The following RASGRF2 variants were observed in gnomAD, a reference collection of about 807,000 sequenced individuals.
The protein encoded by RASGRF2 is Ras protein specific guanine nucleotide releasing factor 2, also known as ras-specific guanine nucleotide-releasing factor 2.
Under a neutral mutation model 151.0 loss-of-function variants are expected in RASGRF2, and 76 were observed. The observed-to-expected ratio is 0.50, with a 90% CI of 0.42 to 0.61. The LOEUF (loss-of-function observed/expected upper bound fraction) is 0.61. Ranked by LOEUF, RASGRF2 falls within the 20% of genes least tolerant of loss-of-function variation. The pLI is 0.00. For missense variants in RASGRF2, 1,148 were observed against 1,564.6 expected, an observed-to-expected ratio of 0.73 and a Z score of 4.49; for synonymous variants, 504 against 566.5, an observed-to-expected ratio of 0.89 and a Z score of 1.57.
chr5:81,158,907 G>A (rs761428400), intron 17 of RASGRF2, among the ~76,000 whole-genome samples: 40 of 152,108 alleles, frequency 2.6e-4, no homozygotes, highest in Non-Finnish European at 3.5e-4. Context: ...TAAGCTTACC[G>A]TAGAATCTAG....
At chr5:80,962,992 G>A (rs1373095241) in intron 1 of RASGRF2, among the ~76,000 whole-genome samples, 4 of 152,186 alleles carry the variant, frequency 2.6e-5, no homozygotes, top group Non-Finnish European at 4.4e-5. Context: ...TAGGAGTTGG[G>A]CTGGGAAACC....
At chr5:80,973,204 C>T (rs1747996619) in intron 1 of RASGRF2, among the ~76,000 whole-genome samples, 1 of 152,174 alleles carries the variant, frequency 6.6e-6, no homozygotes. Flanking sequence ...TTAAATCAAG[C>T]AGACAGATCA....
intron 1 of RASGRF2, among the ~76,000 whole-genome samples, chr5:80,985,976 G>C (rs1748461893): frequency 6.6e-6 from 1 of 151,826 alleles, no homozygotes. Context: ...TTGTTTCCAT[G>C]GTGAAATTCA....
At chr5:80,985,137 G>C (rs1748435149) in intron 1 of RASGRF2, among the ~76,000 whole-genome samples, 2 of 152,158 alleles carry the variant, frequency 1.3e-5, no homozygotes, top group Admixed American at 1.3e-4. Flanking sequence ...ACTTGAGCCT[G>C]GGATGCGGAG....
At chr5:81,215,853 T>C in intron 23 of RASGRF2, 23 bp from the exon 24 acceptor site, 1 of 1,506,690 alleles carries the variant, frequency 6.6e-7, no homozygotes, top group East Asian at 2.5e-5. Context: ...TTCATCACAC[T>C]AAGTTTTTTC....
At chr5:81,035,121 C>G (rs1482931748) in intron 1 of RASGRF2, among the ~76,000 whole-genome samples, 1 of 152,024 alleles carries the variant, frequency 6.6e-6, no homozygotes, top group African/African-American at 2.4e-5. Context: ...TGTATATACC[C>G]AAAGGATTAT....
intron 18 of RASGRF2, among the ~76,000 whole-genome samples, chr5:81,190,460 A>G (rs1401564661): frequency 6.6e-6 from 1 of 152,224 alleles, no homozygotes; most frequent in African/African-American, 2.4e-5. Flanking sequence ...TTAGCTTGCT[A>G]GTTTCCACAT....
chr5:81,033,213 C>T (rs1192277021), intron 1 of RASGRF2, among the ~76,000 whole-genome samples: 2 of 149,308 alleles, frequency 1.3e-5, no homozygotes, highest in African/African-American at 4.9e-5. Context: ...ATGAAAATGG[C>T]CATACTGCCC....
chr5:81,208,894 G>A (rs1755571737), intron 22 of RASGRF2, among the ~76,000 whole-genome samples: 2 of 152,084 alleles, frequency 1.3e-5, no homozygotes, highest in South Asian at 4.1e-4. Context: ...TTGACGACAA[G>A]CTTAAATCTC....
At chr5:80,993,959 C>T (rs1056602025) in intron 1 of RASGRF2, among the ~76,000 whole-genome samples, 4 of 151,890 alleles carry the variant, frequency 2.6e-5, no homozygotes, top group African/African-American at 7.3e-5. Flanking sequence ...AGTGGAAGAC[C>T]CCTAGCACTT....
chr5:81,194,691 A>C (rs941076313), intron 18 of RASGRF2, among the ~76,000 whole-genome samples: 1 of 152,006 alleles, frequency 6.6e-6, no homozygotes, highest in Non-Finnish European at 1.5e-5. Context: ...TGGTTTCTGG[A>C]CCTCAGTTTC....
chr5:81,182,494 AT>A (rs750730550), intron 18 of RASGRF2, among the ~76,000 whole-genome samples: 1 of 151,788 alleles, frequency 6.6e-6, no homozygotes, highest in Non-Finnish European at 1.5e-5. Flanking sequence ...GCTTTAGGGC[AT>A]TTTTTTTCTT....
At chr5:81,019,910 T>C (rs192876634) in intron 1 of RASGRF2, among the ~76,000 whole-genome samples, 67 of 152,354 alleles carry the variant, frequency 4.4e-4, no homozygotes, top group Admixed American at 4.2e-3. Flanking sequence ...GGCAATACCA[T>C]TCTCTGGAAA....
At chr5:81,134,276 A>G (rs1753700843) in intron 17 of RASGRF2, among the ~76,000 whole-genome samples, 1 of 152,182 alleles carries the variant, frequency 6.6e-6, no homozygotes. Context: ...CAGGCAATTT[A>G]GGAAGTATGT....
At chr5:81,031,764 T>G (rs1051037098) in intron 1 of RASGRF2, among the ~76,000 whole-genome samples, 3 of 151,878 alleles carry the variant, frequency 2.0e-5, no homozygotes, top group Non-Finnish European at 4.4e-5. Flanking sequence ...GCAAACACAT[T>G]GAAAAGCCAG....
chr5:81,221,200 CT>C (rs1755849565), intron 26 of RASGRF2, among the ~76,000 whole-genome samples: 1 of 152,110 alleles, frequency 6.6e-6, no homozygotes, highest in African/African-American at 2.4e-5. Flanking sequence ...TTTTTCCTTC[CT>C]TCCTCATCCT....
intron 12 of RASGRF2, among the ~76,000 whole-genome samples, chr5:81,101,218 A>T (rs1752689131): frequency 6.6e-6 from 1 of 152,232 alleles, no homozygotes; most frequent in South Asian, 2.1e-4. Context: ...CTTCTTAACT[A>T]AGTGAACTGT....
chr5:81,094,201 C>A, intron 10 of RASGRF2, 95 bp from the exon 11 acceptor site: 1 of 974,040 alleles, frequency 1.0e-6, no homozygotes, highest in Non-Finnish European at 1.5e-6. Context: ...GCTATGCTTT[C>A]TTCCATGGCA....
chr5:81,192,083 G>A (rs1027901556), intron 18 of RASGRF2, among the ~76,000 whole-genome samples: 12 of 152,150 alleles, frequency 7.9e-5, no homozygotes, highest in Admixed American at 6.5e-4. Flanking sequence ...TTGTCTCAAA[G>A]TCAAGTATTC....
Sources: allele counts gnomAD v4.1 joint callset (sites outside exome capture counted in the v4.1 genomes callset), GRCh38; gene constraint gnomAD v4.1.1; transcripts MANE v1.5; gene names NCBI Gene and HGNC (gene_info 2026-07-23, HGNC 2026-07-21).